GNAS-AS1: variants seen among roughly 807,000 people sequenced by gnomAD.
GNAS-AS1 encodes the protein GNAS antisense RNA 1 (non-protein coding).
At position 58,840,176 on chromosome 20, in the gene GNAS-AS1, A is replaced by G. The variant is rs2085662717; in HGVS notation, n.819+1761T>C. 2 of 1,611,380 alleles carry G rather than the reference A, an allele frequency of 1.2e-6. No individual in the cohort carries two copies. The highest frequency in any genetic ancestry group is 1.7e-6 in the Non-Finnish European group (2 of 1,179,884). ...TAATTACAACGACCTGTGCCCGCCC[A>G]TAGGCCGCCGGGCAGCCACCGCGCT... is the stretch of plus-strand genomic sequence containing the variant. On this transcript the variant is annotated intron_variant and non_coding_transcript_variant, in intron 4 of 4. Coordinates refer to ENST00000424094, the Ensembl canonical transcript of GNAS-AS1. This position sits in a 1 kb window ranked among gnomAD's most constrained non-coding sequence, Gnocchi z 6.0.
At chr20:58,819,878 G>T (rs1568896050) in intron 4 of GNAS-AS1, among the ~76,000 whole-genome samples, 1 of 152,218 alleles carries the variant, frequency 6.6e-6, no homozygotes, top group African/African-American at 2.4e-5. Flanking sequence ...CACGACCTCA[G>T]TGTGAGGTAG....
rs560042880 is a variant in GNAS-AS1, at chr20:58,831,472, G to A, written n.819+10465C>T. ...CGGGCAGATCACGAGATCAGGAGATGGAGACCATCCTGGCTAACATGGTGA... is the reference window on the plus strand; with the variant it reads ...CGGGCAGATCACGAGATCAGGAGATAGAGACCATCCTGGCTAACATGGTGA... On this transcript the variant is annotated intron_variant and non_coding_transcript_variant, in intron 4 of 4. Transcript: ENST00000424094. Among the ~76,000 whole-genome samples the A allele has an allele frequency of 2.1e-3, 326 of 152,222 alleles. 2 individuals are homozygous for A. The highest frequency in any genetic ancestry group is 4.0e-3 in the Non-Finnish European group (272 of 68,010).
intron 2 of GNAS-AS1, among the ~76,000 whole-genome samples, chr20:58,844,933 T>C (rs116859592): frequency 0.027 from 4,054 of 152,306 alleles, 77 homozygotes; most frequent in Middle Eastern, 0.054. Context: ...GGTTGCAAAA[T>C]GGTCTCAAAA....
rs778096004 is a variant in GNAS-AS1 at position 58,840,526 on chromosome 20, G to C, written n.819+1411C>G. ...CCCCCACCACTGAGCCCGAGACCGA[G>C]CCTGAAGACGATCGCGGCCCGGTGG... On this transcript the variant is annotated intron_variant and non_coding_transcript_variant, in intron 4 of 4. Transcript: ENST00000424094. This position sits in a 1 kb window ranked among gnomAD's most constrained non-coding sequence, Gnocchi z 6.0. 1 of 1,613,474 alleles carries C rather than the reference G, an allele frequency of 6.2e-7. No individual in the cohort carries two copies. Among genetic ancestry groups the C allele is most frequent in the African/African-American group, 1.3e-5 (1 of 74,902 alleles).
At chr20:58,832,638 G>A (rs1383833822) in intron 4 of GNAS-AS1, among the ~76,000 whole-genome samples, 1 of 152,160 alleles carries the variant, frequency 6.6e-6, no homozygotes, top group Non-Finnish European at 1.5e-5. Context: ...AACTGAGCAG[G>A]AATGAAACCA....
intron 4 of GNAS-AS1, among the ~76,000 whole-genome samples, chr20:58,835,503 A>C (rs1212076601): frequency 6.6e-6 from 1 of 152,192 alleles, no homozygotes; most frequent in Non-Finnish European, 1.5e-5. Flanking sequence ...AAAAATCAAA[A>C]GAAAATCTCA....
intron 4 of GNAS-AS1, among the ~76,000 whole-genome samples, chr20:58,830,235 A>ACC (rs2085546670): frequency 1.1e-5 from 1 of 91,388 alleles, no homozygotes. Context: ...CCATCACCAC[A>ACC]ATCACCACCA....
chr20:58,850,617 T>C, exon 1 of GNAS-AS1: 1 of 399,076 alleles, frequency 2.5e-6, no homozygotes, highest in East Asian at 3.6e-5. Context: ...CTCCTTGGGG[T>C]CCTGGCCCTC....
intron 4 of GNAS-AS1, among the ~76,000 whole-genome samples, chr20:58,830,880 A>G (rs1568900908): frequency 6.6e-6 from 1 of 151,944 alleles, no homozygotes; most frequent in Non-Finnish European, 1.5e-5. Flanking sequence ...ATAAGATACC[A>G]TCTATTTTCC....
chr20:58,839,434 T>G (rs1395257353), intron 4 of GNAS-AS1: 2 of 399,994 alleles, frequency 5.0e-6, no homozygotes, highest in Non-Finnish European at 8.8e-6. Flanking sequence ...TGTGTTTATT[T>G]CCCCAATAAC....
chr20:58,840,547 G>C lies in GNAS-AS1; in HGVS notation n.819+1390C>G. Reference sequence around the variant, plus strand: ...CCGAGCCTGAAGACGATCGCGGCCCGGTGGTGCCCAAGCACTCCACCTTCG... The same window carrying C: ...CCGAGCCTGAAGACGATCGCGGCCCCGTGGTGCCCAAGCACTCCACCTTCG... On this transcript the variant is annotated intron_variant and non_coding_transcript_variant, in intron 4 of 4. Coordinates refer to ENST00000424094, the Ensembl canonical transcript of GNAS-AS1. The surrounding 1 kb of genome is among the most constrained non-coding windows in gnomAD (Gnocchi z 6.0). 6.2e-7 allele frequency: 1 copy of C among 1,613,256 alleles called. No homozygotes were observed. The highest frequency in any genetic ancestry group is 8.5e-7 in the Non-Finnish European group (1 of 1,179,964).
chr20:58,828,873 G>C (rs1177611936), intron 4 of GNAS-AS1, among the ~76,000 whole-genome samples: 1 of 148,922 alleles, frequency 6.7e-6, no homozygotes, highest in Non-Finnish European at 1.5e-5. Flanking sequence ...ACTCAACATG[G>C]CAGAGCTCCT....
intron 4 of GNAS-AS1, among the ~76,000 whole-genome samples, chr20:58,830,437 TCATTACCACCACCACCATCAC>T (rs2085553577): frequency 5.6e-5 from 3 of 53,322 alleles, no homozygotes; most frequent in African/African-American, 2.3e-4. Context: ...CACACCACCA[TCATTACCACCACCACCATCAC>T]CACCACCACA....
At chr20:58,839,553 C>G (rs1210315798) in intron 4 of GNAS-AS1, 2 of 404,210 alleles carry the variant, frequency 4.9e-6, no homozygotes, top group Non-Finnish European at 8.7e-6. Flanking sequence ...CCAGGCCCCC[C>G]GCCCATCGCT....
At chr20:58,846,379 G>A (rs764285194) in intron 2 of GNAS-AS1, among the ~76,000 whole-genome samples, 4 of 152,172 alleles carry the variant, frequency 2.6e-5, no homozygotes, top group Non-Finnish European at 4.4e-5. Flanking sequence ...TGGCATTGGA[G>A]GGCTACCAAT....
chr20:58,842,403 A>T lies in GNAS-AS1; in HGVS notation n.526+30T>A, dbSNP rs2085773497. 3 of 398,508 alleles carry T rather than the reference A, an allele frequency of 7.5e-6. No individual in the cohort carries two copies. The East Asian group carries it at 1.1e-4, about 14-fold the overall frequency. The allele number at this position is 398,508 out of a possible 1,614,324, so 24.7% of individuals were successfully genotyped here. ...AATGACGGTCAGGTTCTTAACTCCT[A>T]AGAAAAGGATGATGATAGAAGGAAA... On this transcript the variant is annotated intron_variant and non_coding_transcript_variant, in intron 3 of 4. Transcript: ENST00000424094.
intron 2 of GNAS-AS1, among the ~76,000 whole-genome samples, chr20:58,846,360 A>G (rs1479322271): frequency 6.6e-6 from 1 of 152,220 alleles, no homozygotes; most frequent in Non-Finnish European, 1.5e-5. Flanking sequence ...CATTTTTAAA[A>G]GCCAAATATG....
At chr20:58,847,772 C>T (rs1209015628) in intron 2 of GNAS-AS1, among the ~76,000 whole-genome samples, 1 of 152,228 alleles carries the variant, frequency 6.6e-6, no homozygotes, top group African/African-American at 2.4e-5. Context: ...CCTCTCTCTA[C>T]TTTGCCTTCT....
chr20:58,834,012 A>G (rs1362908784), intron 4 of GNAS-AS1: 2 of 152,196 alleles, frequency 1.3e-5, no homozygotes, highest in Non-Finnish European at 2.9e-5. Context: ...TGGTCTAATC[A>G]TATTTTGAAG....
Sources: allele counts gnomAD v4.1 joint callset (sites outside exome capture counted in the v4.1 genomes callset), GRCh38; gene constraint gnomAD v4.1.1; non-coding constraint Gnocchi (gnomAD v3.1); transcripts MANE v1.5; gene names NCBI Gene and HGNC (gene_info 2026-07-23, HGNC 2026-07-21).